Variants in MYEF2 observed in about 807,000 individuals in gnomAD.
MYEF2 encodes the protein myelin expression factor 2, also known as myelin gene expression factor 2.
Under a neutral mutation model 75.2 loss-of-function variants are expected in MYEF2, and 37 were observed. That is an observed-to-expected ratio of 0.49 (90% confidence interval 0.38 to 0.65). The LOEUF (loss-of-function observed/expected upper bound fraction) is 0.65, where lower values mean the gene tolerates loss of function less well. MYEF2 is among the 30% of genes least tolerant of loss of function. MYEF2 has a pLI of 0.00. For synonymous variants in MYEF2, 195 were observed against 241.6 expected, an observed-to-expected ratio of 0.81 and a Z score of 1.79; for missense variants, 634 against 771.4, an observed-to-expected ratio of 0.82 and a Z score of 2.11.
chr15:48,136,542 C>A lies in MYEF2; in HGVS notation c.*6366G>T. The A allele has an allele frequency of 1.3e-6, 1 of 789,852 alleles. No individual in the cohort carries two copies. Among genetic ancestry groups the A allele is most frequent in the Non-Finnish European group, 1.9e-6 (1 of 523,880 alleles). The allele number at this position is 789,852 out of a possible 1,614,324, so 48.9% of individuals were successfully genotyped here. Reference sequence around the variant, plus strand: ...CTGTAATCAAGTCTGGACAAATCTACAAAACAAAAAATATCTAGAAATGTT... The same window carrying A: ...CTGTAATCAAGTCTGGACAAATCTAAAAAACAAAAAATATCTAGAAATGTT... On this transcript the variant is annotated 3_prime_UTR_variant, in exon 17 of 17. Transcript: ENST00000324324.
Position 48,142,286 on chromosome 15 carries a change from A to C in MYEF2, c.*622T>G. On this transcript the variant is annotated 3_prime_UTR_variant, in exon 17 of 17. Coordinates refer to ENST00000324324, the MANE Select transcript of MYEF2 (RefSeq NM_016132.5). The stretch of plus-strand genomic sequence containing the variant: ...CCTATTATCATACTTGGGGCTTGCT[A>C]CATTATCAGTTCTATATGAACTTGG... 3 of 1,613,582 alleles carry C rather than the reference A, an allele frequency of 1.9e-6. No individual in the cohort carries two copies. Among genetic ancestry groups the C allele is most frequent in the Non-Finnish European group, 2.5e-6 (3 of 1,179,666 alleles).
intron 16 of MYEF2, among the ~76,000 whole-genome samples, chr15:48,148,307 G>C (rs1027001165): frequency 9.9e-5 from 15 of 151,980 alleles, no homozygotes; most frequent in Non-Finnish European, 2.2e-4. Flanking sequence ...GAAAAAGTGA[G>C]AATTTAGTCA....
In MYEF2 at chr15:48,142,213, A is replaced by T. The variant is rs1296434873; in HGVS notation, c.*695T>A. On this transcript the variant is annotated 3_prime_UTR_variant, in exon 17 of 17. Coordinates refer to ENST00000324324, the MANE Select transcript of MYEF2 (RefSeq NM_016132.5). Reference sequence around the variant, plus strand: ...TTTCAATTATTTTTCTTTTTTTAGCAGTTCACTTCAATGGCTGGAAACTAG... The same window carrying T: ...TTTCAATTATTTTTCTTTTTTTAGCTGTTCACTTCAATGGCTGGAAACTAG... 5.6e-6 allele frequency: 9 copies of T among 1,613,686 alleles called. No homozygotes were observed. Among genetic ancestry groups the T allele is most frequent in the Non-Finnish European group, 7.6e-6 (9 of 1,179,868 alleles).
chr15:48,141,015 T>C lies in MYEF2; in HGVS notation c.*1893A>G. 1 of 916,480 alleles carries C rather than the reference T, an allele frequency of 1.1e-6. No individual in the cohort carries two copies. The highest frequency in any genetic ancestry group is 1.7e-6 in the Non-Finnish European group (1 of 584,648). 56.8% of individuals were successfully genotyped at this position (916,480 alleles called of 1,614,324 possible). A position where few individuals can be genotyped will look rare whatever the true frequency, so the allele number is the denominator to read the frequency against. ...ATTGGCTCTGAATTCTAAATGTGCC[T>C]ATTTTATTTTTGTTCACGAAGGAAA... On this transcript the variant is annotated 3_prime_UTR_variant, in exon 17 of 17. Transcript: ENST00000324324.
At position 48,138,184 on chromosome 15, in the gene MYEF2, T is replaced by G. The variant is rs1262019793; in HGVS notation, c.*4724A>C. On this transcript the variant is annotated 3_prime_UTR_variant, in exon 17 of 17. Coordinates refer to ENST00000324324, the MANE Select transcript of MYEF2 (RefSeq NM_016132.5). ...GCACATTGGTTGAAGCTTGGCAAACTTTTTATGAGTTGTTGTACTAACATT... is the reference window on the plus strand; with the variant it reads ...GCACATTGGTTGAAGCTTGGCAAACGTTTTATGAGTTGTTGTACTAACATT... 6.6e-6 allele frequency: 1 copy of G among 152,054 alleles called. No homozygotes were observed. The highest frequency in any genetic ancestry group is 1.5e-5 in the Non-Finnish European group (1 of 67,954). 9.4% of individuals were successfully genotyped at this position (152,054 alleles called of 1,614,324 possible).
chr15:48,172,296 A>C (rs950459331), intron 1 of MYEF2, among the ~76,000 whole-genome samples: 1 of 151,844 alleles, frequency 6.6e-6, no homozygotes. Context: ...GCTGCTTGGG[A>C]GGCTGAGGCA....
chr15:48,171,943 T>C (rs75883549), intron 1 of MYEF2, among the ~76,000 whole-genome samples: 4,647 of 152,258 alleles, frequency 0.031, 169 homozygotes, highest in Admixed American at 0.091. Flanking sequence ...AATTATAACA[T>C]ACATTTCTGA....
Position 48,151,915 on chromosome 15 carries a change from A to G in MYEF2, c.1166T>C (p.Met389Thr). 3 of 1,613,514 alleles carry G rather than the reference A, an allele frequency of 1.9e-6. No homozygotes were observed. Among genetic ancestry groups the G allele is most frequent in the Non-Finnish European group, 2.5e-6 (3 of 1,179,588 alleles). ...GGIGFGGLEAMNSMGGFGGVG... is the reference protein window; with the variant it reads ...GGIGFGGLEATNSMGGFGGVG... Reference sequence around the variant, plus strand: ...TCCTCCAAATCCTCCCATGCTATTCATTGCTTCCAGACCACCAAACCCTAT... The same window carrying G: ...TCCTCCAAATCCTCCCATGCTATTCGTTGCTTCCAGACCACCAAACCCTAT... The change falls in exon 12 of 17, where the codon ATG becomes ACG. Residue 389 changes from methionine to threonine, a missense_variant. Met to Thr is a moderately conservative substitution (Grantham distance 81). Coordinates refer to ENST00000324324, the MANE Select transcript of MYEF2 (RefSeq NM_016132.5).
Position 48,149,448 on chromosome 15 carries a change from G to T in MYEF2, c.1379-77C>A. The T allele has an allele frequency of 3.9e-6, 5 of 1,277,940 alleles. No homozygotes were observed. In the South Asian group the frequency reaches 5.3e-5, roughly 14 times the overall value. 79.2% of individuals were successfully genotyped at this position (1,277,940 alleles called of 1,614,324 possible). ...CAAAAACATAAGGAAAAGGAGAAGAGGAGAAAGGAGGAAAAGGAGATAAAC... is the reference window on the plus strand; with the variant it reads ...CAAAAACATAAGGAAAAGGAGAAGATGAGAAAGGAGGAAAAGGAGATAAAC... On this transcript the variant is annotated intron_variant, in intron 14 of 16. Coordinates refer to ENST00000324324, the MANE Select transcript of MYEF2 (RefSeq NM_016132.5). This position sits in a 1 kb window ranked among gnomAD's most constrained non-coding sequence, Gnocchi z 4.0.
At chr15:48,155,766 T>G (rs2039671319) in intron 9 of MYEF2, among the ~76,000 whole-genome samples, 1 of 125,240 alleles carries the variant, frequency 8.0e-6, no homozygotes, top group African/African-American at 3.0e-5. Flanking sequence ...TAAGAAATCA[T>G]AATGGTAATT....
intron 12 of MYEF2, 143 bp from the exon 13 acceptor site, chr15:48,151,714 C>A: frequency 1.8e-6 from 2 of 1,130,992 alleles, no homozygotes; most frequent in Non-Finnish European, 2.6e-6. Flanking sequence ...CCTCACATGC[C>A]ACACATATCA....
At position 48,138,521 on chromosome 15, in the gene MYEF2, A is replaced by G. The variant is rs1232225638; in HGVS notation, c.*4387T>C. 2 of 153,034 alleles carry G rather than the reference A, an allele frequency of 1.3e-5. No homozygotes were observed. Among genetic ancestry groups the G allele is most frequent in the Non-Finnish European group, 2.9e-5 (2 of 68,600 alleles). 9.5% of individuals were successfully genotyped at this position (153,034 alleles called of 1,614,324 possible). On this transcript the variant is annotated 3_prime_UTR_variant, in exon 17 of 17. Transcript: ENST00000324324. The stretch of plus-strand genomic sequence containing the variant: ...TTAATAAAAAAATTATGCTATGATT[A>G]TTTTATATTCTTTAAGTATACATTA...
Position 48,142,887 on chromosome 15 carries a change from T to C in MYEF2, c.*21A>G. 1.9e-6 allele frequency: 3 copies of C among 1,580,994 alleles called. No individual in the cohort carries two copies. Among genetic ancestry groups the C allele is most frequent in the Non-Finnish European group, 1.7e-6 (2 of 1,166,152 alleles). ...AGATTCAGCAAAACAGATGTAGGAATGTTCCAACCATGGCTTGAAATTATG... is the reference window on the plus strand; with the variant it reads ...AGATTCAGCAAAACAGATGTAGGAACGTTCCAACCATGGCTTGAAATTATG... On this transcript the variant is annotated 3_prime_UTR_variant, in exon 17 of 17. Transcript: ENST00000324324.
At chr15:48,156,073 C>T (rs2039686359) in intron 9 of MYEF2, among the ~76,000 whole-genome samples, 1 of 151,966 alleles carries the variant, frequency 6.6e-6, no homozygotes, top group Non-Finnish European at 1.5e-5. Flanking sequence ...CCACCATGCC[C>T]GGCCCATAAT....
intron 5 of MYEF2, among the ~76,000 whole-genome samples, chr15:48,160,308 A>G: frequency 6.6e-6 from 1 of 152,106 alleles, no homozygotes; most frequent in East Asian, 1.9e-4. Flanking sequence ...TGAACAAAAT[A>G]CAGTTACCCA....
rs1403507904 is a variant in MYEF2, at chr15:48,134,802, T to C, written c.*8106A>G. The C allele has an allele frequency of 9.1e-7, 1 of 1,099,594 alleles. No homozygotes were observed. Among genetic ancestry groups the C allele is most frequent in the East Asian group, 2.6e-5 (1 of 38,896 alleles). 68.1% of individuals were successfully genotyped at this position (1,099,594 alleles called of 1,614,324 possible). On this transcript the variant is annotated 3_prime_UTR_variant, in exon 17 of 17. Coordinates refer to ENST00000324324, the MANE Select transcript of MYEF2 (RefSeq NM_016132.5). ...AGATAACAATATTTAACTACAAATATATAAACAATTTTAGTATTATACTAA... is the reference window on the plus strand; with the variant it reads ...AGATAACAATATTTAACTACAAATACATAAACAATTTTAGTATTATACTAA...
chr15:48,136,869 T>C lies in MYEF2; in HGVS notation c.*6039A>G. 4 of 1,613,906 alleles carry C rather than the reference T, an allele frequency of 2.5e-6. No individual in the cohort carries two copies. Among genetic ancestry groups the C allele is most frequent in the Non-Finnish European group, 3.4e-6 (4 of 1,179,836 alleles). ...AAGATGAAGGTCAACCATTCATTCG[T>C]CGGCAATCAAGAACTGATAGTGGAA... On this transcript the variant is annotated 3_prime_UTR_variant, in exon 17 of 17. Transcript: ENST00000324324.
rs780825118 is a variant in MYEF2 at position 48,142,057 on chromosome 15, C to G, written c.*851G>C. The stretch of plus-strand genomic sequence containing the variant: ...AAGGAGATATGGCTATGTCTAACAT[C>G]GTGGGATCCAATGTGTTTGATATGT... On this transcript the variant is annotated 3_prime_UTR_variant, in exon 17 of 17. Transcript: ENST00000324324. 72 of 1,612,526 alleles carry G rather than the reference C, an allele frequency of 4.5e-5. No homozygotes were observed. The East Asian group carries it at 1.6e-3, about 36-fold the overall frequency.
In MYEF2 at chr15:48,137,165, C is replaced by T; in HGVS notation, c.*5743G>A. ...ATAGCTAAAGTATGAACGTTAAGTACCATAAAAAGAGAAAAATAAAGTGTG... is the reference window on the plus strand; with the variant it reads ...ATAGCTAAAGTATGAACGTTAAGTATCATAAAAAGAGAAAAATAAAGTGTG... On this transcript the variant is annotated 3_prime_UTR_variant, in exon 17 of 17. Coordinates refer to ENST00000324324, the MANE Select transcript of MYEF2 (RefSeq NM_016132.5). The T allele has an allele frequency of 1.9e-6, 1 of 529,776 alleles. No individual in the cohort carries two copies. Among genetic ancestry groups the T allele is most frequent in the Non-Finnish European group, 3.2e-6 (1 of 314,910 alleles). The allele number at this position is 529,776 out of a possible 1,614,324, so 32.8% of individuals were successfully genotyped here. A position where few individuals can be genotyped will look rare whatever the true frequency, so the allele number is the denominator to read the frequency against.
Sources: allele counts gnomAD v4.1 joint callset (sites outside exome capture counted in the v4.1 genomes callset), GRCh38; gene constraint gnomAD v4.1.1; non-coding constraint Gnocchi (gnomAD v3.1); transcripts MANE v1.5; gene names NCBI Gene and HGNC (gene_info 2026-07-23, HGNC 2026-07-21).